The following PRSS58 variants were observed in gnomAD, a reference collection of about 807,000 sequenced individuals.
PRSS58 encodes the protein serine protease 58, also known as protease, serine 58.
In PRSS58, 31 loss-of-function variants were observed where a neutral mutation model predicts 25.0. That is an observed-to-expected ratio of 1.24 (90% CI 0.93 to 1.67). PRSS58 has a LOEUF of 1.67. Among genes scored for constraint, PRSS58 ranks in the 40% most tolerant of loss-of-function variants. The probability of loss-of-function intolerance (pLI) is 0.00; values close to 1 mark genes in which losing one functional copy is unlikely to be tolerated. For missense variants in PRSS58, 324 were observed against 287.9 expected (o/e 1.13, Z -0.91); for synonymous variants, 119 against 106.1 (o/e 1.12, Z -0.75).
chr7:142,256,513 G>T (rs745821082), intron 2 of PRSS58, among the ~76,000 whole-genome samples: 1 of 152,166 alleles, frequency 6.6e-6, no homozygotes, highest in African/African-American at 2.4e-5. Context: ...GCTCAGATTG[G>T]AGTGCAGTGG....
intron 5 of PRSS58, 28 bp from the exon 6 acceptor site, chr7:142,252,398 C>A (rs1338833550): frequency 3.7e-6 from 6 of 1,608,876 alleles, no homozygotes; most frequent in Admixed American, 3.4e-5. Flanking sequence ...ATAACAACAA[C>A]AAAAAAGCAG....
chr7:142,254,918 T>G, intron 4 of PRSS58, 137 bp downstream of exon 4: 3 of 813,212 alleles, frequency 3.7e-6, no homozygotes, highest in Non-Finnish European at 5.9e-6. Flanking sequence ...AAGCACTCCT[T>G]CAGTGAGGTA....
In PRSS58 at chr7:142,252,194, T is replaced by C. The variant is rs925618651; in HGVS notation, c.*27A>G. 1 of 1,592,644 alleles carries C rather than the reference T, an allele frequency of 6.3e-7. No homozygotes were observed. Among genetic ancestry groups the C allele is most frequent in the African/African-American group, 1.4e-5 (1 of 73,822 alleles). On this transcript the variant is annotated 3_prime_UTR_variant, in exon 6 of 6. Transcript: ENST00000547058. ...AAAGGTGAACGATGGGGACAAGCTGTGTCATATGGTCCACAACTGCCACAG... is the reference window on the plus strand; with the variant it reads ...AAAGGTGAACGATGGGGACAAGCTGCGTCATATGGTCCACAACTGCCACAG...
Position 142,255,630 on chromosome 7 carries a change from G to A in PRSS58, c.84C>T (p.Pro28=). 1 of 1,613,954 alleles carries A rather than the reference G, an allele frequency of 6.2e-7. No individual in the cohort carries two copies. The highest frequency in any genetic ancestry group is 1.1e-5 in the South Asian group (1 of 91,058). The change falls in exon 3 of 6, where the codon CCC becomes CCT. Residue 28 remains proline (P), a synonymous_variant. Coordinates refer to ENST00000547058, the MANE Select transcript of PRSS58 (RefSeq NM_001001317.5). ...FNPDYTVSST[P]PYLVYLKSDY... ...CAGATTTCAAATAGACCAAGTAAGGGGGAGTGGAGCTGACTGTGTAATCTG... is the reference window on the plus strand; with the variant it reads ...CAGATTTCAAATAGACCAAGTAAGGAGGAGTGGAGCTGACTGTGTAATCTG...
In PRSS58 at chr7:142,255,665, C is replaced by T. The variant is rs1364200956; in HGVS notation, c.49G>A (p.Ala17Thr). The T allele has an allele frequency of 3.1e-6, 5 of 1,606,288 alleles. No individual in the cohort carries two copies. Among genetic ancestry groups the T allele is most frequent in the Non-Finnish European group, 4.3e-6 (5 of 1,175,990 alleles). ...WALLNLTVAL[A>T]FNPDYTVSST... ...CTGACTGTGTAATCTGGATTAAAGG[C>T]CAAAGCAACTGGAAAGAGAAGCATA... The change falls in exon 3 of 6, where the codon GCC becomes ACC. Residue 17 changes from alanine (A) to threonine (T), a missense_variant. By Grantham distance (58) the Ala-to-Thr change is moderately conservative (BLOSUM62 0). Transcript: ENST00000547058.
intron 2 of PRSS58, among the ~76,000 whole-genome samples, chr7:142,257,090 G>A (rs997500629): frequency 1.3e-5 from 2 of 152,170 alleles, no homozygotes; most frequent in African/African-American, 4.8e-5. Context: ...TCTCCTCATG[G>A]AGAACCTGTA....
chr7:142,253,392 A>AC (rs1404527929), intron 4 of PRSS58, among the ~76,000 whole-genome samples: 1 of 152,204 alleles, frequency 6.6e-6, no homozygotes, highest in African/African-American at 2.4e-5. Context: ...AAGATTTAAA[A>AC]CTGGATTTCC....
chr7:142,254,128 G>A (rs1798514706), intron 4 of PRSS58, among the ~76,000 whole-genome samples: 1 of 152,046 alleles, frequency 6.6e-6, no homozygotes, highest in Admixed American at 6.6e-5. Context: ...AGTGTATGAT[G>A]TATATTATAT....
chr7:142,257,340 T>C (rs1337456762), intron 2 of PRSS58, among the ~76,000 whole-genome samples: 1 of 152,178 alleles, frequency 6.6e-6, no homozygotes, highest in Admixed American at 6.5e-5. Context: ...TGCCAGGAGA[T>C]ATCTGATTCT....
In PRSS58 at chr7:142,252,201, T is replaced by C; in HGVS notation, c.*20A>G. 1 of 1,599,620 alleles carries C rather than the reference T, an allele frequency of 6.3e-7. No individual in the cohort carries two copies. The highest frequency in any genetic ancestry group is 2.2e-5 in the East Asian group (1 of 44,776). On this transcript the variant is annotated 3_prime_UTR_variant, in exon 6 of 6. Transcript: ENST00000547058. ...AACGATGGGGACAAGCTGTGTCATA[T>C]GGTCCACAACTGCCACAGCTCAGTT... is the stretch of plus-strand genomic sequence containing the variant.
intron 4 of PRSS58, among the ~76,000 whole-genome samples, chr7:142,253,020 C>G (rs1291021578): frequency 6.6e-6 from 1 of 152,172 alleles, no homozygotes; most frequent in Non-Finnish European, 1.5e-5. Flanking sequence ...AACCCTGTCT[C>G]TACTAAAAAT....
chr7:142,254,383 G>A (rs1798518936), intron 4 of PRSS58, among the ~76,000 whole-genome samples: 1 of 152,124 alleles, frequency 6.6e-6, no homozygotes, highest in African/African-American at 2.4e-5. Flanking sequence ...TATGGAATAT[G>A]AAACATGAGG....
At position 142,257,687 on chromosome 7, in the gene PRSS58, C is replaced by G; in HGVS notation, c.21G>C (p.Trp7Cys). 6.2e-7 allele frequency: 1 copy of G among 1,612,934 alleles called. No homozygotes were observed. The highest frequency in any genetic ancestry group is 8.5e-7 in the Non-Finnish European group (1 of 1,179,248). Residue 7 changes from tryptophan to cysteine, a missense_variant, in exon 2 of 6, where the codon TGG becomes TGC. Coordinates refer to ENST00000547058, the MANE Select transcript of PRSS58 (RefSeq NM_001001317.5). ...ACTCACCAGTCAGATTCAAGAGAGC[C>G]CAGAGGAGGATAAACTTCATGATGA... is the stretch of plus-strand genomic sequence containing the variant. Reference protein sequence around the residue: MKFILLWALLNLTVALA... With the variant: MKFILLCALLNLTVALA...
intron 4 of PRSS58, among the ~76,000 whole-genome samples, chr7:142,253,914 C>T (rs1798511094): frequency 6.6e-6 from 1 of 152,114 alleles, no homozygotes; most frequent in African/African-American, 2.4e-5. Context: ...ATAATTTCTA[C>T]TTATTGATAT....
chr7:142,253,009 A>G (rs1798494804), intron 4 of PRSS58, among the ~76,000 whole-genome samples: 1 of 152,228 alleles, frequency 6.6e-6, no homozygotes, highest in South Asian at 2.1e-4. Flanking sequence ...CAACATGGTG[A>G]AACCCTGTCT....
At position 142,252,286 on chromosome 7, in the gene PRSS58, C is replaced by A. The variant is rs1182782511; in HGVS notation, c.661G>T (p.Val221Phe). The change falls in exon 6 of 6, where the codon GTT becomes TTT. Residue 221 changes from valine (V) to phenylalanine (F), a missense_variant. By Grantham distance (50) the Val-to-Phe change is conservative (BLOSUM62 -1). Coordinates refer to ENST00000547058, the MANE Select transcript of PRSS58 (RefSeq NM_001001317.5). ...FADGCVLRAD[V>F]GIYAKIFYYI... ...TAAAAAATTTTGGCATAGATGCCAA[C>A]ATCAGCTCTCAAAACACATCCATCC... 1 of 1,613,952 alleles carries A rather than the reference C, an allele frequency of 6.2e-7. No individual in the cohort carries two copies. Among genetic ancestry groups the A allele is most frequent in the Non-Finnish European group, 8.5e-7 (1 of 1,179,946 alleles).
Position 142,256,450 on chromosome 7 carries a change from G to T in PRSS58, c.41-777C>A, listed in dbSNP as rs549957512. Among the ~76,000 whole-genome samples, 10 of 152,042 alleles carry T rather than the reference G, an allele frequency of 6.6e-5. No homozygotes were observed. In the East Asian group the frequency reaches 1.6e-3, roughly 24 times the overall value. On this transcript the variant is annotated intron_variant, in intron 2 of 5. Transcript: ENST00000547058. ...AATTGTGTGTTGGGGGAGAAGGAGGGGTTTCAGGCAGTATTTGTTTGTTGT... is the reference window on the plus strand; with the variant it reads ...AATTGTGTGTTGGGGGAGAAGGAGGTGTTTCAGGCAGTATTTGTTTGTTGT...
Position 142,257,728 on chromosome 7 carries a change from T to C in PRSS58, c.-21A>G. On this transcript the variant is annotated 5_prime_UTR_variant, in exon 2 of 6. The change abolishes the stop of an existing upstream ORF in the 5' untranslated region. Transcript: ENST00000547058. ...TTCATGATGATGTTGAAAGCCCAGT[T>C]TAGCTCCAGTCTCTGGAAAACTGGG... The C allele has an allele frequency of 6.2e-7, 1 of 1,608,292 alleles. No homozygotes were observed. Among genetic ancestry groups the C allele is most frequent in the Non-Finnish European group, 8.5e-7 (1 of 1,174,940 alleles).
chr7:142,252,571 T>C lies in PRSS58; in HGVS notation c.477A>G (p.Val159=). The change falls in exon 5 of 6, where the codon GTA becomes GTG. Residue 159 remains valine, a synonymous_variant. Transcript: ENST00000547058. ...PDSLQTVNIS[V]ISKPQCRDAY... Reference sequence around the variant, plus strand: ...CATCGCGACACTGAGGCTTGGAGATTACAGAGATGTTCACAGTTTGCAGTG... The same window carrying C: ...CATCGCGACACTGAGGCTTGGAGATCACAGAGATGTTCACAGTTTGCAGTG... The C allele has an allele frequency of 6.2e-7, 1 of 1,614,094 alleles. No homozygotes were observed. The highest frequency in any genetic ancestry group is 8.5e-7 in the Non-Finnish European group (1 of 1,180,000).
Sources: allele counts gnomAD v4.1 joint callset (sites outside exome capture counted in the v4.1 genomes callset), GRCh38; gene constraint gnomAD v4.1.1; transcripts MANE v1.5; gene names NCBI Gene and HGNC (gene_info 2026-07-23, HGNC 2026-07-21).